Variants in GABRB3 observed in about 807,000 individuals in gnomAD.
GABRB3 encodes gamma-aminobutyric acid receptor subunit beta-3.
GABRB3 carries 14 observed loss-of-function variants against 52.1 expected under a neutral mutation model. The ratio of observed to expected loss-of-function variants is 0.27; its 90% confidence interval spans 0.18 to 0.42. GABRB3 has a LOEUF of 0.42. Ranked by LOEUF, GABRB3 falls within the 10% of genes least tolerant of loss-of-function variation. GABRB3 has a pLI of 1.00. For synonymous variants in GABRB3, 260 were observed against 232.3 expected (o/e 1.12, Z -1.08); for missense variants, 307 against 609.1 (o/e 0.50, Z 5.22).
intron 3 of GABRB3, among the ~76,000 whole-genome samples, chr15:26,765,738 C>A (rs1469233350): frequency 1.3e-5 from 2 of 152,136 alleles, no homozygotes; most frequent in Non-Finnish European, 2.9e-5. Flanking sequence ...CAACCACACC[C>A]AAAGAACATT....
At chr15:26,641,277 C>T (rs1893193371) in intron 3 of GABRB3, among the ~76,000 whole-genome samples, 2 of 152,244 alleles carry the variant, frequency 1.3e-5, no homozygotes, top group Admixed American at 1.3e-4. Context: ...ACACCTAGAA[C>T]TTGCTCGCTG....
chr15:26,548,405 T>C (rs892130617), intron 8 of GABRB3, among the ~76,000 whole-genome samples: 1 of 152,234 alleles, frequency 6.6e-6, no homozygotes, highest in East Asian at 1.9e-4. Context: ...TTTCACATTA[T>C]GGATACAAAT....
intron 6 of GABRB3, among the ~76,000 whole-genome samples, chr15:26,578,795 C>G (rs542918644): frequency 6.6e-6 from 1 of 152,336 alleles, no homozygotes; most frequent in South Asian, 2.1e-4. Flanking sequence ...CCACTCAGGG[C>G]ATGGAACACT....
chr15:26,605,933 AC>A (rs1363092036), intron 4 of GABRB3, among the ~76,000 whole-genome samples: 2 of 152,150 alleles, frequency 1.3e-5, no homozygotes, highest in Non-Finnish European at 2.9e-5. Flanking sequence ...CAGGAAACAT[AC>A]AACACAGCGG....
At chr15:26,636,095 G>A (rs1893052634) in intron 3 of GABRB3, among the ~76,000 whole-genome samples, 2 of 152,216 alleles carry the variant, frequency 1.3e-5, no homozygotes, top group Non-Finnish European at 2.9e-5. Context: ...CAGGTAGCCA[G>A]ACAGGAACTA....
chr15:26,695,776 C>T (rs1419393723), intron 3 of GABRB3, among the ~76,000 whole-genome samples: 1 of 152,158 alleles, frequency 6.6e-6, no homozygotes, highest in Non-Finnish European at 1.5e-5. Flanking sequence ...GTGACTACAG[C>T]TTCTGGATAG....
At chr15:26,597,469 A>C (rs1166131478) in intron 4 of GABRB3, among the ~76,000 whole-genome samples, 1 of 152,168 alleles carries the variant, frequency 6.6e-6, no homozygotes, top group Non-Finnish European at 1.5e-5. Flanking sequence ...GATAGAGGAG[A>C]CTGAATAGGA....
chr15:26,560,879 A>G lies in GABRB3; in HGVS notation c.1080+53T>C, dbSNP rs538764410. On this transcript the variant is annotated intron_variant, in intron 8 of 8. Transcript: ENST00000311550. ...AAAGAAATATCATGCAAGTAAATGCAGTAGCTGCTGAGCTGCAGGGACCAG... is the reference window on the plus strand; with the variant it reads ...AAAGAAATATCATGCAAGTAAATGCGGTAGCTGCTGAGCTGCAGGGACCAG... 3 of 1,611,262 alleles carry G rather than the reference A, an allele frequency of 1.9e-6. 1 individual carries two copies. The African/African-American group carries it at 4.0e-5, about 22-fold the overall frequency.
chr15:26,608,147 A>G (rs1172821282), intron 4 of GABRB3, among the ~76,000 whole-genome samples: 2 of 151,348 alleles, frequency 1.3e-5, no homozygotes, highest in Admixed American at 1.3e-4. Flanking sequence ...TAGACTAGAG[A>G]GCCCAGAATA....
chr15:26,562,530 C>T (rs1890028693), intron 7 of GABRB3, among the ~76,000 whole-genome samples: 1 of 152,214 alleles, frequency 6.6e-6, no homozygotes, highest in African/African-American at 2.4e-5. Context: ...CAGCACTGTC[C>T]AGATATGTAC....
At chr15:26,706,054 T>C (rs1209937713) in intron 3 of GABRB3, among the ~76,000 whole-genome samples, 5 of 152,104 alleles carry the variant, frequency 3.3e-5, no homozygotes, top group African/African-American at 1.2e-4. Flanking sequence ...AAAGTTAAAA[T>C]TAAAAAACAA....
At chr15:26,634,194 G>A (rs754199) in intron 3 of GABRB3, among the ~76,000 whole-genome samples, 15,639 of 152,048 alleles carry the variant, frequency 0.1, 993 homozygotes, top group Admixed American at 0.19. Flanking sequence ...GCTGTCTCTG[G>A]CCCATTCTAC....
chr15:26,692,171 T>G (rs1363947760), intron 3 of GABRB3, among the ~76,000 whole-genome samples: 2 of 152,222 alleles, frequency 1.3e-5, no homozygotes, highest in African/African-American at 4.8e-5. Flanking sequence ...GCCAAGTGTC[T>G]TTTCTGCCAT....
chr15:26,549,903 C>T (rs1054910997), intron 8 of GABRB3, among the ~76,000 whole-genome samples: 14 of 152,140 alleles, frequency 9.2e-5, no homozygotes, highest in Non-Finnish European at 1.5e-5. Flanking sequence ...AGTTGACTTG[C>T]AATAAAACTT....
intron 3 of GABRB3, among the ~76,000 whole-genome samples, chr15:26,644,676 G>C (rs1312578320): frequency 6.6e-5 from 10 of 152,216 alleles, no homozygotes; most frequent in Non-Finnish European, 1.5e-5. Flanking sequence ...GGCAGCCCTA[G>C]CAGACGGATA....
In GABRB3 at chr15:26,621,908, A is replaced by G. The variant is rs1892498199; in HGVS notation, c.241-374T>C. Among the ~76,000 whole-genome samples the G allele has an allele frequency of 1.3e-5, 2 of 151,950 alleles. No homozygotes were observed. Among genetic ancestry groups the G allele is most frequent in the Admixed American group, 6.6e-5 (1 of 15,242 alleles). ...ATGTTCTCTTTCCCACCAGGCAGAC[A>G]GGTGCTTTAACAACCTACAACAGAT... is the stretch of plus-strand genomic sequence containing the variant. On this transcript the variant is annotated intron_variant, in intron 3 of 8. Coordinates refer to ENST00000311550, the MANE Select transcript of GABRB3 (RefSeq NM_000814.6). This position sits in a 1 kb window ranked among gnomAD's most constrained non-coding sequence, Gnocchi z 4.1.
At chr15:26,709,276 C>T (rs940630166) in intron 3 of GABRB3, among the ~76,000 whole-genome samples, 7 of 152,088 alleles carry the variant, frequency 4.6e-5, no homozygotes, top group Admixed American at 2.6e-4. Flanking sequence ...GCTTGGTGCC[C>T]GCCTCTGGGC....
intron 4 of GABRB3, among the ~76,000 whole-genome samples, chr15:26,590,441 ACT>A (rs1187892972): frequency 6.6e-6 from 1 of 151,896 alleles, no homozygotes; most frequent in Non-Finnish European, 1.5e-5. Flanking sequence ...ACGGCAACTC[ACT>A]CTCATCTTCA....
At chr15:26,756,943 T>C (rs1292983206) in intron 3 of GABRB3, among the ~76,000 whole-genome samples, 1 of 152,174 alleles carries the variant, frequency 6.6e-6, no homozygotes, top group Non-Finnish European at 1.5e-5. Flanking sequence ...GTACCCAACA[T>C]GGCTGCCACC....
Sources: allele counts gnomAD v4.1 joint callset (sites outside exome capture counted in the v4.1 genomes callset), GRCh38; gene constraint gnomAD v4.1.1; non-coding constraint Gnocchi (gnomAD v3.1); transcripts MANE v1.5; gene names NCBI Gene and HGNC (gene_info 2026-07-23, HGNC 2026-07-21).